ITGA2: variants seen among roughly 807,000 people sequenced by gnomAD.
The protein encoded by ITGA2 is integrin alpha-2.
In ITGA2, 101 loss-of-function variants were observed where a neutral mutation model predicts 146.3. That is an observed-to-expected ratio of 0.69 (90% CI 0.59 to 0.81). The LOEUF (loss-of-function observed/expected upper bound fraction) is 0.81, where lower values mean the gene tolerates loss of function less well. ITGA2 is among the 40% of genes least tolerant of loss of function. The pLI, the probability that ITGA2 is intolerant of heterozygous loss-of-function variation, is 0.00. For synonymous variants in ITGA2, 477 were observed against 487.1 expected, an observed-to-expected ratio of 0.98 and a Z score of 0.27; for missense variants, 1,281 against 1,402.7, an observed-to-expected ratio of 0.91 and a Z score of 1.39.
At chr5:53,079,255 C>T (rs1745802034) in intron 24 of ITGA2, among the ~76,000 whole-genome samples, 1 of 152,022 alleles carries the variant, frequency 6.6e-6, no homozygotes, top group Non-Finnish European at 1.5e-5. Context: ...GGCAAATGTT[C>T]AACATTAACC....
intron 2 of ITGA2, among the ~76,000 whole-genome samples, chr5:53,028,212 T>A (rs140351289): frequency 6.6e-6 from 1 of 152,318 alleles, no homozygotes; most frequent in African/African-American, 2.4e-5. Flanking sequence ...GCCTGTCTAT[T>A]TGATGAGGAA....
At chr5:53,071,022 C>G (rs2111992836) in intron 17 of ITGA2, among the ~76,000 whole-genome samples, 1 of 151,934 alleles carries the variant, frequency 6.6e-6, no homozygotes, top group South Asian at 2.1e-4. Flanking sequence ...GGTTTGAAGG[C>G]CCAAGGAATA....
chr5:53,044,128 A>G lies in ITGA2; in HGVS notation c.296-873A>G, dbSNP rs3212451. 5.5e-3 allele frequency among the ~76,000 whole-genome samples: 831 copies of G among 151,874 alleles called. 6 individuals carry two copies. The highest frequency in any genetic ancestry group is 0.019 in the African/African-American group (795 of 41,376). Reference sequence around the variant, plus strand: ...CATCTCTACTAAAATACAAAAAATTATCCAGGTGTGGTGGTGTGCACCTGT... The same window carrying G: ...CATCTCTACTAAAATACAAAAAATTGTCCAGGTGTGGTGGTGTGCACCTGT... On this transcript the variant is annotated intron_variant, in intron 3 of 29. Coordinates refer to ENST00000296585, the MANE Select transcript of ITGA2 (RefSeq NM_002203.4).
chr5:53,018,603 G>A (rs768050059), intron 1 of ITGA2, among the ~76,000 whole-genome samples: 3 of 152,044 alleles, frequency 2.0e-5, no homozygotes, highest in Admixed American at 6.6e-5. Context: ...TTTCTCGGTC[G>A]GAGAGGTTTC....
Position 53,026,827 on chromosome 5 carries a change from T to G in ITGA2, c.144T>G (p.Phe48Leu). 1.2e-6 allele frequency: 2 copies of G among 1,613,632 alleles called. No individual in the cohort carries two copies. The highest frequency in any genetic ancestry group is 1.1e-5 in the South Asian group (1 of 91,076). Residue 48 changes from phenylalanine (F) to leucine (L), a missense_variant, in exon 2 of 30, where the codon TTT becomes TTG. Around this residue, in one of 3 missense-constraint regions of ITGA2, gnomAD observed 795 missense variants for 841.7 expected, o/e 0.94. Coordinates refer to ENST00000296585, the MANE Select transcript of ITGA2 (RefSeq NM_002203.4). ...TTTCCGGTCCTTCAAGTGAACAGTT[T>G]GGCTATGCAGTGCAGCAGTTTATAA... ...KIFSGPSSEQFGYAVQQFINP... is the reference protein window; with the variant it reads ...KIFSGPSSEQLGYAVQQFINP...
chr5:53,034,631 T>C (rs1007731014), intron 2 of ITGA2, among the ~76,000 whole-genome samples: 2 of 152,298 alleles, frequency 1.3e-5, no homozygotes, highest in East Asian at 3.9e-4. Context: ...ACAAGTCTTA[T>C]AATTTTAAGC....
At chr5:53,078,567 T>C (rs1745766242) in intron 23 of ITGA2, among the ~76,000 whole-genome samples, 1 of 152,126 alleles carries the variant, frequency 6.6e-6, no homozygotes. Flanking sequence ...CAAAGAAATA[T>C]GTTTTCAAAG....
Position 53,080,539 on chromosome 5 carries a change from T to A in ITGA2, c.2957T>A (p.Met986Lys). 6.2e-7 allele frequency: 1 copy of A among 1,613,678 alleles called. No homozygotes were observed. The highest frequency in any genetic ancestry group is 2.2e-5 in the East Asian group (1 of 44,852). Residue 986 changes from methionine (M) to lysine (K), a missense_variant, in exon 25 of 30, where the codon ATG (methionine) becomes AAG (lysine). Transcript: ENST00000296585. ...KVTTGSVPVS[M>K]ATVIIHIPQY... is the part of the protein sequence containing the mutation. ...ACAACAGGAAGTGTTCCAGTAAGCA[T>A]GGCAACTGTAATCATCCACATCCCT... is the stretch of plus-strand genomic sequence containing the variant.
In ITGA2 at chr5:53,091,067, ATGT is replaced by A. The variant is rs1740395305; in HGVS notation, c.*470_*472del. On this transcript the variant is annotated 3_prime_UTR_variant, in exon 30 of 30. Transcript: ENST00000296585. Reference sequence around the variant, plus strand: ...CTTGTGTATATTTTAATGAATATTGATGTTAACAAGAGGGGAAAACAAAACACA... The same window carrying A: ...CTTGTGTATATTTTAATGAATATTGATAACAAGAGGGGAAAACAAAACACA... 1.1e-5 allele frequency: 3 copies of A among 261,588 alleles called. No individual in the cohort carries two copies. The highest frequency in any genetic ancestry group is 2.1e-5 in the Non-Finnish European group (3 of 141,680). 16.2% of individuals were successfully genotyped at this position (261,588 alleles called of 1,614,324 possible).
In ITGA2 at chr5:53,091,330, A is replaced by G. The variant is rs942251737; in HGVS notation, c.*731A>G. 4 of 152,198 alleles carry G rather than the reference A, an allele frequency of 2.6e-5. No homozygotes were observed. Among genetic ancestry groups the G allele is most frequent in the African/African-American group, 9.7e-5 (4 of 41,154 alleles). 9.4% of individuals were successfully genotyped at this position (152,198 alleles called of 1,614,324 possible). ...GGGGCGATATAGAGAATAAGGCACA[A>G]AATTTTGTTTAAAACTCAGAATATA... On this transcript the variant is annotated 3_prime_UTR_variant, in exon 30 of 30. Coordinates refer to ENST00000296585, the MANE Select transcript of ITGA2 (RefSeq NM_002203.4).
At chr5:53,056,188 A>G (rs1744628077) in intron 9 of ITGA2, 39 bp downstream of exon 9, 1 of 1,562,920 alleles carries the variant, frequency 6.4e-7, no homozygotes, top group African/African-American at 1.4e-5. Flanking sequence ...TTTCTTCAAA[A>G]TGTTTAAATA....
rs761510635 is a variant in ITGA2, at chr5:52,989,540, G to A, written c.64+8G>A. Reference sequence around the variant, plus strand: ...TGTTAGCGCTCAGTCAAGGTAAGCGGGGATTTCGCTCTGCATCGGCTGCAG... The same window carrying A: ...TGTTAGCGCTCAGTCAAGGTAAGCGAGGATTTCGCTCTGCATCGGCTGCAG... On this transcript the variant is annotated splice_region_variant and intron_variant, in intron 1 of 29. Coordinates refer to ENST00000296585, the MANE Select transcript of ITGA2 (RefSeq NM_002203.4). 3 of 1,613,846 alleles carry A rather than the reference G, an allele frequency of 1.9e-6. No homozygotes were observed. The South Asian group carries it at 3.3e-5, about 18-fold the overall frequency.
At chr5:53,036,271 T>C (rs74741323) in intron 2 of ITGA2, among the ~76,000 whole-genome samples, 5,563 of 152,274 alleles carry the variant, frequency 0.037, 138 homozygotes, top group East Asian at 0.073. Context: ...TTCCCAACAG[T>C]GTGGCCTTCA....
chr5:53,072,347 C>CA (rs1461419905), intron 18 of ITGA2, among the ~76,000 whole-genome samples: 6 of 151,662 alleles, frequency 4.0e-5, no homozygotes, highest in African/African-American at 1.5e-4. Context: ...TGCTCATACT[C>CA]AAAAAATATT....
At chr5:53,065,178 A>G in intron 14 of ITGA2, 63 bp downstream of exon 14, 1 of 1,491,958 alleles carries the variant, frequency 6.7e-7, no homozygotes, top group African/African-American at 1.4e-5. Context: ...AGACATAGAA[A>G]GCGTCATGTA....
chr5:53,086,822 G>C, intron 27 of ITGA2, 130 bp from the exon 28 acceptor site: 1 of 743,082 alleles, frequency 1.3e-6, no homozygotes, highest in South Asian at 1.5e-5. Context: ...CACAGATTCT[G>C]GATGGGTCTT....
chr5:53,075,360 T>C, intron 23 of ITGA2, 56 bp downstream of exon 23: 1 of 1,433,428 alleles, frequency 7.0e-7, no homozygotes, highest in Non-Finnish European at 9.8e-7. Flanking sequence ...GATCAGAAGA[T>C]TTTTGGCTCA....
rs1167977150 is a variant in ITGA2, at chr5:53,087,041, G to A, written c.3348G>A (p.Thr1116=). Residue 1116 remains threonine (T), a splice_region_variant and synonymous_variant, in exon 28 of 30, where the codon ACG becomes ACA. Transcript: ENST00000296585. ...ATGTGATTGAAGATAACACTGTTAC[G>A]GTGAGCATATCACACCCTTCCCTGT... ...EIYVIEDNTV[T]IPLMIMKPDE... 9.3e-6 allele frequency: 15 copies of A among 1,607,288 alleles called. No individual in the cohort carries two copies. Among genetic ancestry groups the A allele is most frequent in the Non-Finnish European group, 1.2e-5 (14 of 1,174,110 alleles).
At chr5:53,047,222 C>G (rs918985498) in intron 4 of ITGA2, among the ~76,000 whole-genome samples, 3 of 152,146 alleles carry the variant, frequency 2.0e-5, no homozygotes, top group Non-Finnish European at 4.4e-5. Flanking sequence ...CTCTTCTGTT[C>G]AGTTTTATAA....
Sources: allele counts gnomAD v4.1 joint callset (sites outside exome capture counted in the v4.1 genomes callset), GRCh38; gene constraint gnomAD v4.1.1; regional missense constraint gnomAD v4.1.1; transcripts MANE v1.5; gene names NCBI Gene and HGNC (gene_info 2026-07-23, HGNC 2026-07-21).